Variants in ANO6 observed in about 807,000 individuals in gnomAD.
ANO6 encodes the protein anoctamin 6.
Under a neutral mutation model 117.5 loss-of-function variants are expected in ANO6, and 106 were observed. That is an observed-to-expected ratio of 0.90 (90% CI 0.77 to 1.06). The LOEUF is 1.06. Among genes scored for constraint, ANO6 ranks in the 50% least tolerant of loss-of-function variants. ANO6 has a pLI of 0.00. For missense variants in ANO6, 955 were observed against 1,121.1 expected (o/e 0.85, Z 2.12); for synonymous variants, 367 against 385.1 (o/e 0.95, Z 0.55).
At chr12:45,293,570 T>C (rs180804246) in intron 1 of ANO6, among the ~76,000 whole-genome samples, 1 of 151,862 alleles carries the variant, frequency 6.6e-6, no homozygotes, top group African/African-American at 2.4e-5. Context: ...TTATATTATA[T>C]TTTATTTTTT....
chr12:45,222,018 A>G (rs577836403), intron 1 of ANO6, among the ~76,000 whole-genome samples: 20 of 151,030 alleles, frequency 1.3e-4, no homozygotes, highest in African/African-American at 4.4e-4. Flanking sequence ...AGTAGCTGGG[A>G]CTACAGGCCC....
intron 1 of ANO6, among the ~76,000 whole-genome samples, chr12:45,255,977 ACC>A (rs998156505): frequency 6.6e-6 from 1 of 150,444 alleles, no homozygotes; most frequent in Non-Finnish European, 1.5e-5. Context: ...ATGCACCACT[ACC>A]CCCACCTAAT....
chr12:45,262,599 T>A (rs1168530750), intron 1 of ANO6, among the ~76,000 whole-genome samples: 1 of 152,020 alleles, frequency 6.6e-6, no homozygotes, highest in Non-Finnish European at 1.5e-5. Flanking sequence ...TAATTTTGTA[T>A]TTTTAGTAGA....
intron 1 of ANO6, among the ~76,000 whole-genome samples, chr12:45,268,689 A>G (rs1938296793): frequency 1.3e-5 from 2 of 152,096 alleles, no homozygotes; most frequent in African/African-American, 4.8e-5. Context: ...TGTGAAAGGC[A>G]TTTCATTCTT....
chr12:45,328,829 T>G (rs568132367), intron 2 of ANO6, among the ~76,000 whole-genome samples: 15 of 152,294 alleles, frequency 9.8e-5, no homozygotes, highest in African/African-American at 3.6e-4. Flanking sequence ...AGCCCCATGT[T>G]TTTTCCATAT....
intron 8 of ANO6, among the ~76,000 whole-genome samples, chr12:45,362,474 TATTTC>T (rs1306121531): frequency 1.3e-5 from 2 of 152,152 alleles, no homozygotes; most frequent in Non-Finnish European, 2.9e-5. Flanking sequence ...TTCTGTCCTG[TATTTC>T]ATTTATTTCC....
chr12:45,289,325 C>T (rs894860310), intron 1 of ANO6, among the ~76,000 whole-genome samples: 2 of 151,956 alleles, frequency 1.3e-5, no homozygotes, highest in African/African-American at 4.8e-5. Context: ...TGCCACCACA[C>T]CTGGCTAATT....
intron 8 of ANO6, among the ~76,000 whole-genome samples, chr12:45,360,102 G>T (rs897321307): frequency 2.0e-5 from 3 of 152,170 alleles, no homozygotes; most frequent in Admixed American, 2.0e-4. Context: ...TATTTTAGTT[G>T]TGTTGTCTTT....
intron 2 of ANO6, among the ~76,000 whole-genome samples, chr12:45,304,347 A>G (rs2137313110): frequency 6.6e-6 from 1 of 152,352 alleles, no homozygotes; most frequent in South Asian, 2.1e-4. Flanking sequence ...AAATGCCAGG[A>G]CAAAATCAGG....
intron 1 of ANO6, among the ~76,000 whole-genome samples, chr12:45,276,964 C>T (rs922659260): frequency 1.1e-4 from 16 of 152,154 alleles, no homozygotes; most frequent in African/African-American, 3.4e-4. Context: ...CTTTTCTGTT[C>T]GCTGTTCCCC....
chr12:45,368,451 G>A (rs947475854), intron 9 of ANO6, among the ~76,000 whole-genome samples: 4 of 152,206 alleles, frequency 2.6e-5, no homozygotes, highest in African/African-American at 9.6e-5. Context: ...AACTATGCAT[G>A]AGAAGGGTTT....
intron 19 of ANO6, among the ~76,000 whole-genome samples, chr12:45,438,929 C>T (rs1943739233): frequency 6.6e-6 from 1 of 152,092 alleles, no homozygotes; most frequent in African/African-American, 2.4e-5. Flanking sequence ...AAGAGATGTT[C>T]AATAAATACT....
intron 3 of ANO6, among the ~76,000 whole-genome samples, chr12:45,337,455 T>C (rs1940858973): frequency 6.6e-6 from 1 of 152,092 alleles, no homozygotes; most frequent in African/African-American, 2.4e-5. Flanking sequence ...TAGGTTTGTG[T>C]ATGTTCATAT....
At chr12:45,269,986 T>C (rs1565656037) in intron 1 of ANO6, among the ~76,000 whole-genome samples, 1 of 152,204 alleles carries the variant, frequency 6.6e-6, no homozygotes. Context: ...TGAGGCCACC[T>C]CCAGAGATCT....
chr12:45,226,300 T>A (rs1947481553), intron 1 of ANO6, among the ~76,000 whole-genome samples: 1 of 152,192 alleles, frequency 6.6e-6, no homozygotes, highest in Non-Finnish European at 1.5e-5. Flanking sequence ...CAGCCAGAAA[T>A]ACAAGTGAAA....
intron 1 of ANO6, among the ~76,000 whole-genome samples, chr12:45,222,392 C>G (rs538836085): frequency 1.2e-4 from 18 of 152,082 alleles, no homozygotes; most frequent in African/African-American, 4.1e-4. Context: ...AACTCCTGAT[C>G]TCAGGTGATC....
At chr12:45,300,000 A>G (rs1407067796) in intron 1 of ANO6, among the ~76,000 whole-genome samples, 1 of 152,202 alleles carries the variant, frequency 6.6e-6, no homozygotes, top group Non-Finnish European at 1.5e-5. Flanking sequence ...GAGATCTCTT[A>G]TGATTCTGCC....
intron 2 of ANO6, among the ~76,000 whole-genome samples, chr12:45,318,171 T>C (rs1301136342): frequency 6.6e-6 from 1 of 152,210 alleles, no homozygotes; most frequent in African/African-American, 2.4e-5. Context: ...CCATTGCTTT[T>C]GGTGTTTTAG....
chr12:45,389,748 C>G (rs1310971582), intron 11 of ANO6, among the ~76,000 whole-genome samples: 1 of 152,102 alleles, frequency 6.6e-6, no homozygotes, highest in Non-Finnish European at 1.5e-5. Flanking sequence ...CCTCAGTGAC[C>G]TCATCTATAA....
Sources: gnomAD v4.1 joint callset for allele counts (sites outside exome capture counted in the v4.1 genomes callset) on GRCh38, gnomAD v4.1.1 for gene constraint, MANE v1.5 for transcripts, NCBI Gene and HGNC (gene_info 2026-07-23, HGNC 2026-07-21) for gene names.